Variants in KAZN observed in about 807,000 individuals in gnomAD.
KAZN encodes the protein kazrin.
KAZN carries 40 observed loss-of-function variants against 87.4 expected under a neutral mutation model. The ratio of observed to expected loss-of-function variants is 0.46; its 90% confidence interval spans 0.36 to 0.60. The LOEUF (loss-of-function observed/expected upper bound fraction) is 0.60. Among genes scored for constraint, KAZN ranks in the 20% least tolerant of loss-of-function variants. KAZN has a pLI of 0.00. For missense variants in KAZN, 898 were observed against 1,073.9 expected (o/e 0.84, Z 2.29); for synonymous variants, 466 against 458.3 (o/e 1.02, Z -0.22).
chr1:14,482,029 G>C (rs954584995), intron 2 of KAZN, among the ~76,000 whole-genome samples: 56 of 152,190 alleles, frequency 3.7e-4, no homozygotes, highest in African/African-American at 1.1e-3. Context: ...CTTCCCAAAG[G>C]CTTCATCCAC....
intron 2 of KAZN, among the ~76,000 whole-genome samples, chr1:14,231,733 C>T (rs1647870106): frequency 1.3e-5 from 2 of 152,210 alleles, no homozygotes; most frequent in African/African-American, 2.4e-5. Context: ...CCATTTATTA[C>T]ACCTGAATGA....
At chr1:14,874,917 C>T (rs770517074) in intron 1 of KAZN, among the ~76,000 whole-genome samples, 5 of 152,194 alleles carry the variant, frequency 3.3e-5, no homozygotes, top group Non-Finnish European at 7.3e-5. Context: ...CAAACTGATG[C>T]TTTGCCAAAT....
intron 1 of KAZN, among the ~76,000 whole-genome samples, chr1:14,148,772 C>G (rs1215282823): frequency 1.3e-5 from 2 of 152,106 alleles, no homozygotes; most frequent in Non-Finnish European, 2.9e-5. Context: ...ACAGGTGGCA[C>G]CAACCATTAT....
intron 2 of KAZN, among the ~76,000 whole-genome samples, chr1:14,185,779 C>T (rs1004489020): frequency 6.6e-6 from 1 of 152,128 alleles, no homozygotes; most frequent in Non-Finnish European, 1.5e-5. Flanking sequence ...GAGGATAAGA[C>T]ATAAAATTGT....
Position 14,724,335 on chromosome 1 carries a change from C to T in KAZN, c.226+125112C>T, listed in dbSNP as rs545526260. ...TTCTTCTTATTCTCTGCACAGTAAC[C>T]ACAATATCGATGCCTCACTCCAGGG... On this transcript the variant is annotated intron_variant, in intron 1 of 14. Transcript: ENST00000376030. Among the ~76,000 whole-genome samples, 7 of 152,252 alleles carry T rather than the reference C, an allele frequency of 4.6e-5. No individual in the cohort carries two copies. In the East Asian group the frequency reaches 1.4e-3, roughly 29 times the overall value.
At chr1:15,029,328 A>G (rs1306970897) in intron 2 of KAZN, among the ~76,000 whole-genome samples, 1 of 152,218 alleles carries the variant, frequency 6.6e-6, no homozygotes. Context: ...AGCCTGGCGT[A>G]CAGTAGGTGC....
chr1:14,944,463 A>C (rs1177262711), intron 1 of KAZN, among the ~76,000 whole-genome samples: 1 of 152,126 alleles, frequency 6.6e-6, no homozygotes, highest in Non-Finnish European at 1.5e-5. Context: ...TGGAGATGGG[A>C]TGGACCATTC....
chr1:14,505,990 G>C (rs1363953268), intron 2 of KAZN, among the ~76,000 whole-genome samples: 1 of 152,122 alleles, frequency 6.6e-6, no homozygotes, highest in African/African-American at 2.4e-5. Context: ...AAAAGTTCTG[G>C]AGGTGAATGG....
intron 4 of KAZN, among the ~76,000 whole-genome samples, chr1:15,049,708 C>A (rs1008504441): frequency 6.6e-6 from 1 of 152,120 alleles, no homozygotes; most frequent in African/African-American, 2.4e-5. Flanking sequence ...CCTTTCTGAG[C>A]CTCAGTTTCC....
intron 2 of KAZN, among the ~76,000 whole-genome samples, chr1:14,416,632 G>A (rs1664783045): frequency 6.6e-6 from 1 of 152,076 alleles, no homozygotes; most frequent in South Asian, 2.1e-4. Flanking sequence ...AGCTACTCAG[G>A]AGCCTAAGGC....
intron 1 of KAZN, among the ~76,000 whole-genome samples, chr1:14,709,040 G>C (rs1233753163): frequency 6.6e-6 from 1 of 152,146 alleles, no homozygotes; most frequent in Non-Finnish European, 1.5e-5. Context: ...AAGACAATGA[G>C]GGCAGATACC....
At chr1:14,221,205 A>G (rs1414426339) in intron 2 of KAZN, among the ~76,000 whole-genome samples, 1 of 152,084 alleles carries the variant, frequency 6.6e-6, no homozygotes, top group East Asian at 1.9e-4. Flanking sequence ...CCCTTTGTGG[A>G]TGATTTTCAA....
At chr1:13,968,800 G>T (rs1642033437) in intron 1 of KAZN, among the ~76,000 whole-genome samples, 2 of 135,508 alleles carry the variant, frequency 1.5e-5, no homozygotes, top group African/African-American at 5.6e-5. Context: ...TCTTCCATTT[G>T]AACATCTACT....
chr1:14,577,667 AT>A (rs935159695), intron 2 of KAZN, among the ~76,000 whole-genome samples: 3 of 152,166 alleles, frequency 2.0e-5, no homozygotes, highest in African/African-American at 7.2e-5. Context: ...ATAGTCTTAA[AT>A]GTGAGCCCAC....
chr1:13,894,795 C>T (rs60085931), intron 1 of KAZN, among the ~76,000 whole-genome samples: 2,127 of 152,252 alleles, frequency 0.014, 68 homozygotes, highest in East Asian at 0.12. Context: ...GCTGCTGGGT[C>T]CATCCAGGCC....
At chr1:14,192,141 C>T (rs1433518186) in intron 2 of KAZN, among the ~76,000 whole-genome samples, 2 of 152,098 alleles carry the variant, frequency 1.3e-5, no homozygotes, top group Admixed American at 6.5e-5. Flanking sequence ...GAGGAAACTC[C>T]ACAGGGAAAT....
intron 1 of KAZN, among the ~76,000 whole-genome samples, chr1:14,162,946 A>C (rs6690250): frequency 1.2e-4 from 18 of 152,246 alleles, no homozygotes; most frequent in African/African-American, 4.1e-4. Flanking sequence ...GCAGAGAATA[A>C]AATTTCTAAA....
chr1:14,466,925 C>T (rs919697722), intron 2 of KAZN, among the ~76,000 whole-genome samples: 26 of 152,070 alleles, frequency 1.7e-4, no homozygotes, highest in Middle Eastern at 3.2e-3. Context: ...GCCGAGATCG[C>T]GCCACTGCGC....
At chr1:14,750,315 A>G (rs995927861) in intron 1 of KAZN, among the ~76,000 whole-genome samples, 2 of 152,200 alleles carry the variant, frequency 1.3e-5, no homozygotes, top group African/African-American at 4.8e-5. Context: ...CAGGATATCA[A>G]TAAAGGAGAG....
Sources: gnomAD v4.1 joint callset for allele counts (sites outside exome capture counted in the v4.1 genomes callset) on GRCh38, gnomAD v4.1.1 for gene constraint, MANE v1.5 for transcripts, NCBI Gene and HGNC (gene_info 2026-07-23, HGNC 2026-07-21) for gene names.